The following RBM14 variants were observed in gnomAD, a reference collection of about 807,000 sequenced individuals.
The protein encoded by RBM14 is RNA binding motif protein 14.
In RBM14, 5 loss-of-function variants were observed where a neutral mutation model predicts 52.8. The observed-to-expected ratio is 0.09, with a 90% CI of 0.05 to 0.20. RBM14 has a LOEUF of 0.20. Ranked by LOEUF, RBM14 falls within the 10% of genes least tolerant of loss-of-function variation. The probability of loss-of-function intolerance (pLI) is 1.00; values close to 1 mark genes in which losing one functional copy is unlikely to be tolerated. For missense variants in RBM14, 780 were observed against 926.6 expected (o/e 0.84, Z 2.05); for synonymous variants, 411 against 401.8 (o/e 1.02, Z -0.28).
At chr11:66,617,330 G>T (rs1362802151) in intron 1 of RBM14, 2 of 1,278,570 alleles carry the variant, frequency 1.6e-6, no homozygotes, top group Non-Finnish European at 9.9e-7. Context: ...AGAGCCTTGC[G>T]AGTGTTCCGG....
At chr11:66,621,010 A>G (rs181587948) in intron 1 of RBM14, 1 of 151,774 alleles carries the variant, frequency 6.6e-6, no homozygotes, top group Non-Finnish European at 1.5e-5. Flanking sequence ...AGATTTTTTA[A>G]AATATTTATT....
chr11:66,618,517 C>T (rs1291245925), intron 1 of RBM14: 2 of 717,344 alleles, frequency 2.8e-6, no homozygotes, highest in Non-Finnish European at 5.2e-6. Context: ...CCACGACTAT[C>T]CGGAATCGGG....
intron 1 of RBM14, among the ~76,000 whole-genome samples, chr11:66,621,694 C>T (rs376679888): frequency 1.2e-4 from 19 of 152,058 alleles, no homozygotes; most frequent in African/African-American, 1.9e-4. Context: ...GTTCTTTTAT[C>T]GTCTGTGCCA....
chr11:66,624,032 G>A lies in RBM14; in HGVS notation c.338-182G>A, dbSNP rs116716282. ...AGGCTGTAGGCAAAGATGACTGCTT[G>A]GGACAGTCAGAAGCTTTGTTATATG... On this transcript the variant is annotated intron_variant, in intron 1 of 2. Transcript: ENST00000310137. The surrounding 1 kb of genome is among the most constrained non-coding windows in gnomAD (Gnocchi z 4.7). The A allele has an allele frequency of 4.5e-4, 463 of 1,034,538 alleles. 2 individuals are homozygous for A. In the African/African-American group the frequency reaches 6.9e-3, roughly 15 times the overall value. 64.1% of individuals were successfully genotyped at this position (1,034,538 alleles called of 1,614,324 possible).
chr11:66,620,687 C>T (rs922891379), intron 1 of RBM14, among the ~76,000 whole-genome samples: 3 of 152,180 alleles, frequency 2.0e-5, no homozygotes, highest in African/African-American at 4.8e-5. Context: ...TTTCAGATTT[C>T]ACCACTTGGT....
rs963979528 is a variant in RBM14 at position 66,616,703 on chromosome 11, G to C, written c.-18G>C. The C allele has an allele frequency of 2.5e-6, 4 of 1,580,830 alleles. No homozygotes were observed. In the African/African-American group the frequency reaches 4.0e-5, roughly 16 times the overall value. The stretch of plus-strand genomic sequence containing the variant: ...AGGAGAGGTCCGGGCTCTCCAGGAA[G>C]GTGGCTGCGGCGACAAAATGAAGAT... On this transcript the variant is annotated 5_prime_UTR_variant, in exon 1 of 3. Transcript: ENST00000310137.
Position 66,624,115 on chromosome 11 carries a change from C to G in RBM14, c.338-99C>G. ...GAGGGTTTGGAGGCCTTGGAGGTAGCTGGCAACAGCTGGGTGCTGTTGTGT... is the reference window on the plus strand; with the variant it reads ...GAGGGTTTGGAGGCCTTGGAGGTAGGTGGCAACAGCTGGGTGCTGTTGTGT... On this transcript the variant is annotated intron_variant, in intron 1 of 2. Transcript: ENST00000310137. The surrounding 1 kb of genome is among the most constrained non-coding windows in gnomAD (Gnocchi z 4.7). 6.5e-7 allele frequency: 1 copy of G among 1,539,200 alleles called. No homozygotes were observed. Among genetic ancestry groups the G allele is most frequent in the Non-Finnish European group, 8.8e-7 (1 of 1,142,426 alleles).
At chr11:66,621,540 G>A (rs1164090362) in intron 1 of RBM14, among the ~76,000 whole-genome samples, 1 of 152,050 alleles carries the variant, frequency 6.6e-6, no homozygotes, top group East Asian at 1.9e-4. Context: ...ACCACAGCCG[G>A]CTAATTTAAT....
intron 1 of RBM14, among the ~76,000 whole-genome samples, chr11:66,621,783 T>G (rs576442463): frequency 2.6e-5 from 4 of 152,346 alleles, no homozygotes; most frequent in African/African-American, 9.6e-5. Flanking sequence ...TCTGGTTATT[T>G]CTAGGTTTGA....
At chr11:66,620,584 G>A (rs1859061453) in intron 1 of RBM14, among the ~76,000 whole-genome samples, 1 of 152,162 alleles carries the variant, frequency 6.6e-6, no homozygotes. Context: ...TTACAGGTGT[G>A]AGCCACCATG....
rs75258454 is a variant in RBM14 at position 66,629,074 on chromosome 11, T to A, written c.*2406T>A. ...CATTTGTCATTTTTCTCTGGCAGATTGTTTTAAAATCTCCCTCCCCTCTTT... is the reference window on the plus strand; with the variant it reads ...CATTTGTCATTTTTCTCTGGCAGATAGTTTTAAAATCTCCCTCCCCTCTTT... On this transcript the variant is annotated 3_prime_UTR_variant, in exon 3 of 3. Transcript: ENST00000310137. Among the ~76,000 whole-genome samples, 1 of 152,212 alleles carries A rather than the reference T, an allele frequency of 6.6e-6. No individual in the cohort carries two copies. The highest frequency in any genetic ancestry group is 1.5e-5 in the Non-Finnish European group (1 of 68,036).
Position 66,624,384 on chromosome 11 carries a change from G to T in RBM14, c.508G>T (p.Ala170Ser). Reference sequence around the variant, plus strand: ...TGGGGACAAGACCAAGAAACCAGGGGCTGGGGATACGGCCTTCCCTGGAAC... The same window carrying T: ...TGGGGACAAGACCAAGAAACCAGGGTCTGGGGATACGGCCTTCCCTGGAAC... ...QSGDKTKKPGAGDTAFPGTGG... is the reference protein window; with the variant it reads ...QSGDKTKKPGSGDTAFPGTGG... Residue 170 changes from alanine to serine, a missense_variant, in exon 2 of 3, where the codon GCT (alanine) becomes TCT (serine). Ala to Ser is a moderately conservative substitution (Grantham distance 99). Around this residue, in one of 4 missense-constraint regions of RBM14, gnomAD observed 675 missense variants for 697.3 expected, o/e 0.97. Coordinates refer to ENST00000310137, the MANE Select transcript of RBM14 (RefSeq NM_006328.4). This position sits in a 1 kb window ranked among gnomAD's most constrained non-coding sequence, Gnocchi z 4.7. 1.9e-6 allele frequency: 3 copies of T among 1,614,176 alleles called. No individual in the cohort carries two copies. The highest frequency in any genetic ancestry group is 2.5e-6 in the Non-Finnish European group (3 of 1,180,012).
intron 1 of RBM14, among the ~76,000 whole-genome samples, chr11:66,623,260 T>C (rs1859198192): frequency 6.6e-6 from 1 of 152,104 alleles, no homozygotes; most frequent in South Asian, 2.1e-4. Flanking sequence ...GAGGAAACAG[T>C]GGAGGATGCA....
Position 66,625,787 on chromosome 11 carries a change from C to G in RBM14, c.1802+109C>G. On this transcript the variant is annotated intron_variant, in intron 2 of 2. Coordinates refer to ENST00000310137, the MANE Select transcript of RBM14 (RefSeq NM_006328.4). The surrounding 1 kb of genome is among the most constrained non-coding windows in gnomAD (Gnocchi z 4.2). ...TCGGCCCCTCCCTCGGTCTTCTCTT[C>G]TCTATTTTTGTGGGATGTCCAGAGG... 2.4e-6 allele frequency: 2 copies of G among 845,696 alleles called. No individual in the cohort carries two copies. The highest frequency in any genetic ancestry group is 1.8e-5 in the South Asian group (1 of 56,528). 52.4% of individuals were successfully genotyped at this position (845,696 alleles called of 1,614,324 possible).
rs1937701737 is a variant in RBM14, at chr11:66,624,631, A to G, written c.755A>G (p.Gln252Arg). Reference sequence around the variant, plus strand: ...TCACTGGGAGCTGCCTACAGGGCCCAGCCTTCTGCCTCTTTGGGTGTTGGC... The same window carrying G: ...TCACTGGGAGCTGCCTACAGGGCCCGGCCTTCTGCCTCTTTGGGTGTTGGC... ...SVSLGAAYRAQPSASLGVGYR... is the reference protein window; with the variant it reads ...SVSLGAAYRARPSASLGVGYR... The change falls in exon 2 of 3, where the codon CAG (glutamine) becomes CGG (arginine). Residue 252 changes from glutamine to arginine, a missense_variant. Coordinates refer to ENST00000310137, the MANE Select transcript of RBM14 (RefSeq NM_006328.4). This position sits in a 1 kb window ranked among gnomAD's most constrained non-coding sequence, Gnocchi z 4.7. 1 of 1,612,936 alleles carries G rather than the reference A, an allele frequency of 6.2e-7. No homozygotes were observed. Among genetic ancestry groups the G allele is most frequent in the Non-Finnish European group, 8.5e-7 (1 of 1,179,986 alleles).
Position 66,617,051 on chromosome 11 carries a change from G to C in RBM14, c.331G>C (p.Val111Leu). 6.3e-7 allele frequency: 1 copy of C among 1,584,560 alleles called. No individual in the cohort carries two copies. The highest frequency in any genetic ancestry group is 1.1e-5 in the South Asian group (1 of 89,386). Residue 111 changes from valine to leucine, a missense_variant, in exon 1 of 3, where the codon GTG becomes CTG. Transcript: ENST00000310137. ...CGGACGCGTCATCGAGTGTGACGTG[G>C]TGAAAGGTAACGCGGAGGCGCGCTC... ...RRGRVIECDVVKDYAFVHMEK... is the reference protein window; with the variant it reads ...RRGRVIECDVLKDYAFVHMEK...
chr11:66,622,871 G>C (rs1171294684), intron 1 of RBM14, among the ~76,000 whole-genome samples: 2 of 152,154 alleles, frequency 1.3e-5, no homozygotes, highest in African/African-American at 4.8e-5. Context: ...CTGGTACTTG[G>C]ATGCTATCTA....
intron 1 of RBM14, chr11:66,617,283 C>A (rs890724412): frequency 2.2e-6 from 3 of 1,345,700 alleles, no homozygotes; most frequent in Non-Finnish European, 2.9e-6. Context: ...GTGCGGCGGC[C>A]ACTGCGAGCC....
Position 66,617,063 on chromosome 11 carries a change from G to A in RBM14, c.337+6G>A. ...CGAGTGTGACGTGGTGAAAGGTAAC[G>A]CGGAGGCGCGCTCGGGGGCGGGGGC... On this transcript the variant is annotated splice_donor_region_variant and intron_variant, in intron 1 of 2. Coordinates refer to ENST00000310137, the MANE Select transcript of RBM14 (RefSeq NM_006328.4). 1 of 1,566,966 alleles carries A rather than the reference G, an allele frequency of 6.4e-7. No individual in the cohort carries two copies. The highest frequency in any genetic ancestry group is 8.7e-7 in the Non-Finnish European group (1 of 1,154,030).
Sources: gnomAD v4.1 joint callset for allele counts (sites outside exome capture counted in the v4.1 genomes callset) on GRCh38, gnomAD v4.1.1 for gene constraint, gnomAD v4.1.1 regional missense constraint, Gnocchi (gnomAD v3.1) non-coding constraint, MANE v1.5 for transcripts, NCBI Gene and HGNC (gene_info 2026-07-23, HGNC 2026-07-21) for gene names.